Variants in CCDC7 observed in about 807,000 individuals in gnomAD.
The protein encoded by CCDC7 is coiled-coil domain-containing protein 7.
Under a neutral mutation model 196.9 loss-of-function variants are expected in CCDC7, and 183 were observed. The ratio of observed to expected loss-of-function variants is 0.93; its 90% confidence interval spans 0.82 to 1.05. The LOEUF is 1.05. CCDC7 is among the 50% of genes least tolerant of loss of function. The pLI is 0.00. For synonymous variants in CCDC7, 525 were observed against 484.6 expected, an observed-to-expected ratio of 1.08 and a Z score of -1.10; for missense variants, 1,540 against 1,482.2, an observed-to-expected ratio of 1.04 and a Z score of -0.64.
intron 9 of CCDC7, among the ~76,000 whole-genome samples, chr10:32,505,995 T>C (rs1161349794): frequency 1.1e-3 from 87 of 81,588 alleles, no homozygotes; most frequent in South Asian, 2.2e-3. Flanking sequence ...CCAGACGGGG[T>C]GGCCAGGCAG....
At chr10:32,627,831 A>G (rs1009662815) in intron 18 of CCDC7, among the ~76,000 whole-genome samples, 3 of 151,884 alleles carry the variant, frequency 2.0e-5, no homozygotes, top group Admixed American at 6.6e-5. Flanking sequence ...ATTTGTATGT[A>G]TTGAACCTTT....
chr10:32,782,579 C>G (rs567972684), intron 29 of CCDC7, among the ~76,000 whole-genome samples: 22 of 152,306 alleles, frequency 1.4e-4, no homozygotes, highest in African/African-American at 5.1e-4. Context: ...TCTACACCTT[C>G]AATGCAATCT....
At chr10:32,811,222 G>T (rs1156518668) in intron 30 of CCDC7, among the ~76,000 whole-genome samples, 6 of 151,794 alleles carry the variant, frequency 4.0e-5, no homozygotes, top group African/African-American at 1.2e-4. Flanking sequence ...TCAAAACTTG[G>T]TGTTTTAAAA....
chr10:32,447,841 G>A (rs542369564), upstream of CCDC7, among the ~76,000 whole-genome samples: 2 of 152,298 alleles, frequency 1.3e-5, no homozygotes, highest in African/African-American at 2.4e-5. Context: ...GGCAAAGTTT[G>A]CAGTGAGCAA....
intron 28 of CCDC7, among the ~76,000 whole-genome samples, chr10:32,756,920 T>G (rs1382281775): frequency 2.0e-5 from 3 of 151,802 alleles, no homozygotes; most frequent in Admixed American, 6.6e-5. Flanking sequence ...GCCAAGCAAA[T>G]GGAAAACAAA....
At chr10:32,610,999 C>T (rs1416157282) in intron 18 of CCDC7, among the ~76,000 whole-genome samples, 5 of 152,194 alleles carry the variant, frequency 3.3e-5, no homozygotes, top group Non-Finnish European at 5.9e-5. Context: ...AATTGCCACA[C>T]TGTCTTCCAC....
upstream of CCDC7, among the ~76,000 whole-genome samples, chr10:32,449,864 C>G (rs1019612241): frequency 6.6e-6 from 1 of 152,196 alleles, no homozygotes; most frequent in African/African-American, 2.4e-5. Context: ...CTTGCTCCTT[C>G]CATCATGTGA....
intron 24 of CCDC7, among the ~76,000 whole-genome samples, chr10:32,696,851 T>C (rs960580329): frequency 2.0e-5 from 3 of 152,166 alleles, no homozygotes; most frequent in African/African-American, 7.2e-5. Context: ...GCTGAGGAAT[T>C]TGACATGTAC....
At chr10:32,585,698 T>C (rs3006738) in intron 18 of CCDC7, among the ~76,000 whole-genome samples, 126,859 of 152,128 alleles carry the variant, frequency 0.83, 53,526 homozygotes, top group Non-Finnish European at 0.9. Flanking sequence ...CTGCAAAGGA[T>C]GTGAACTCAT....
chr10:32,517,226 T>C (rs2047164226), intron 9 of CCDC7, among the ~76,000 whole-genome samples: 1 of 152,134 alleles, frequency 6.6e-6, no homozygotes, highest in African/African-American at 2.4e-5. Flanking sequence ...TATGGAATAA[T>C]CATTAGCGCT....
chr10:32,446,115 C>T (rs1321779718), upstream of CCDC7: 1 of 152,128 alleles, frequency 6.6e-6, no homozygotes, highest in Non-Finnish European at 1.5e-5. Flanking sequence ...GGCGTCGTGG[C>T]GTCGGGCGCC....
chr10:32,631,784 T>C lies in CCDC7; in HGVS notation c.1802-2470T>C, dbSNP rs560036089. ...TTGTCTAACAATACATAACCACAGGTTGTCTTCTCATTTATCATATATTCT... is the reference window on the plus strand; with the variant it reads ...TTGTCTAACAATACATAACCACAGGCTGTCTTCTCATTTATCATATATTCT... On this transcript the variant is annotated intron_variant, in intron 18 of 41. Coordinates refer to ENST00000639629, the Ensembl canonical transcript of CCDC7. 7.2e-5 allele frequency among the ~76,000 whole-genome samples: 11 copies of C among 152,194 alleles called. No homozygotes were observed. The East Asian group carries it at 1.7e-3, about 24-fold the overall frequency.
At chr10:32,657,523 G>T (rs559608249) in intron 20 of CCDC7, among the ~76,000 whole-genome samples, 1 of 152,180 alleles carries the variant, frequency 6.6e-6, no homozygotes, top group Non-Finnish European at 1.5e-5. Context: ...GCTGTACATT[G>T]GTCTATTTCA....
At chr10:32,568,241 G>C (rs1402375104) in intron 15 of CCDC7, among the ~76,000 whole-genome samples, 2 of 152,004 alleles carry the variant, frequency 1.3e-5, no homozygotes, top group African/African-American at 4.8e-5. Flanking sequence ...TCCTGACCTC[G>C]TGATCTGCCT....
chr10:32,491,840 T>A, intron 8 of CCDC7, 82 bp from the exon 10 acceptor site: 2 of 1,318,478 alleles, frequency 1.5e-6, no homozygotes, highest in Non-Finnish European at 2.0e-6. Flanking sequence ...AGCTTTCACA[T>A]CTATAGCAGT....
At chr10:32,479,037 G>C (rs1279057836) in intron 8 of CCDC7, among the ~76,000 whole-genome samples, 2 of 152,090 alleles carry the variant, frequency 1.3e-5, no homozygotes, top group African/African-American at 4.8e-5. Context: ...TAGATTGTGA[G>C]TTTCCAAGAA....
chr10:32,875,708 G>A (rs1265076983), intron 41 of CCDC7, among the ~76,000 whole-genome samples: 1 of 151,790 alleles, frequency 6.6e-6, no homozygotes, highest in African/African-American at 2.4e-5. Flanking sequence ...AAAGATTATT[G>A]AAATCAAGAG....
intron 28 of CCDC7, among the ~76,000 whole-genome samples, chr10:32,777,552 A>G (rs1592656518): frequency 6.6e-6 from 1 of 151,898 alleles, no homozygotes; most frequent in Admixed American, 6.6e-5. Flanking sequence ...TTTATCTTTT[A>G]TTTTTTAATA....
At chr10:32,456,117 T>A in intron 2 of CCDC7, 134 bp from the exon 4 acceptor site, 1 of 793,734 alleles carries the variant, frequency 1.3e-6, no homozygotes, top group Non-Finnish European at 1.8e-6. Flanking sequence ...AAGCATGGCT[T>A]CTTGCTGTAA....
Sources: allele counts gnomAD v4.1 joint callset (sites outside exome capture counted in the v4.1 genomes callset), GRCh38; gene constraint gnomAD v4.1.1; transcripts MANE v1.5; gene names NCBI Gene and HGNC (gene_info 2026-07-23, HGNC 2026-07-21).